The following ARNT2 variants were observed in gnomAD, a reference collection of about 807,000 sequenced individuals.
The protein encoded by ARNT2 is ARNT protein 2.
In ARNT2, 36 loss-of-function variants were observed where a neutral mutation model predicts 91.7. The ratio of observed to expected loss-of-function variants is 0.39; its 90% confidence interval spans 0.30 to 0.52. The LOEUF (loss-of-function observed/expected upper bound fraction) is 0.52. Ranked by LOEUF, ARNT2 falls within the 20% of genes least tolerant of loss-of-function variation. ARNT2 has a pLI of 0.72. For synonymous variants in ARNT2, 365 were observed against 347.1 expected (o/e 1.05, Z -0.57); for missense variants, 775 against 939.3 (o/e 0.83, Z 2.29).
Position 80,500,979 on chromosome 15 carries a change from T to A in ARNT2, c.623-7177T>A, listed in dbSNP as rs189936383. Among the ~76,000 whole-genome samples, 29 of 152,324 alleles carry A rather than the reference T, an allele frequency of 1.9e-4. No individual in the cohort carries two copies. The East Asian group carries it at 4.8e-3, about 25-fold the overall frequency. The stretch of plus-strand genomic sequence containing the variant: ...AAAATTACAGTAAAAAACTTTGAGG[T>A]AAGGTGGTCATAATTCTTATTCTCA... On this transcript the variant is annotated intron_variant, in intron 5 of 18. Transcript: ENST00000303329.
intron 3 of ARNT2, among the ~76,000 whole-genome samples, chr15:80,468,058 G>C (rs898417550): frequency 6.6e-6 from 1 of 151,798 alleles, no homozygotes; most frequent in Non-Finnish European, 1.5e-5. Context: ...ATCTACCCCC[G>C]AGTCAACAAG....
Position 80,576,890 on chromosome 15 carries a change from C to T in ARNT2, c.1538C>T (p.Ala513Val). 6.2e-7 allele frequency: 1 copy of T among 1,614,062 alleles called. No individual in the cohort carries two copies. The highest frequency in any genetic ancestry group is 8.5e-7 in the Non-Finnish European group (1 of 1,180,012). ...SASEKKMMSSASAAGTQQIYS... is the reference protein window; with the variant it reads ...SASEKKMMSSVSAAGTQQIYS... ...GCGGAGAAGAAGATGATGAGCTCAG[C>T]CTCTGCAGCAGGAACCCAGCAGATC... Residue 513 changes from alanine to valine, a missense_variant, in exon 15 of 19, where the codon GCC becomes GTC. Around this residue, in one of 5 missense-constraint regions of ARNT2, gnomAD observed 325 missense variants for 359.9 expected, o/e 0.90. Transcript: ENST00000303329.
chr15:80,593,804 C>G lies in ARNT2; in HGVS notation c.*106C>G. 1 of 1,065,216 alleles carries G rather than the reference C, an allele frequency of 9.4e-7. No individual in the cohort carries two copies. The highest frequency in any genetic ancestry group is 1.5e-5 in the South Asian group (1 of 68,474). 66.0% of individuals were successfully genotyped at this position (1,065,216 alleles called of 1,614,324 possible). A position where few individuals can be genotyped will look rare whatever the true frequency, so the allele number is the denominator to read the frequency against. On this transcript the variant is annotated 3_prime_UTR_variant, in exon 19 of 19. Transcript: ENST00000303329. Reference sequence around the variant, plus strand: ...GCCCTGCTTGCCCTGCCGCAGGCCCCCCACCAGAAGCCATCTCCCCCGCTG... The same window carrying G: ...GCCCTGCTTGCCCTGCCGCAGGCCCGCCACCAGAAGCCATCTCCCCCGCTG...
At chr15:80,539,282 A>T (rs1004243627) in intron 8 of ARNT2, among the ~76,000 whole-genome samples, 87 of 152,322 alleles carry the variant, frequency 5.7e-4, no homozygotes, top group African/African-American at 2.0e-3. Context: ...TCAAATTAAT[A>T]GTTATAGAAA....
At chr15:80,578,476 G>A (rs1489280057) in intron 15 of ARNT2, among the ~76,000 whole-genome samples, 4 of 151,614 alleles carry the variant, frequency 2.6e-5, no homozygotes, top group Admixed American at 2.0e-4. Flanking sequence ...GCCCTGAGCT[G>A]TGTCTGCAGC....
intron 1 of ARNT2, among the ~76,000 whole-genome samples, chr15:80,434,823 A>G (rs1199791491): frequency 2.6e-5 from 4 of 152,062 alleles, no homozygotes; most frequent in African/African-American, 9.7e-5. Context: ...AGATAAAGCC[A>G]GGAGCTCGGG....
At chr15:80,491,375 T>G (rs542105195) in intron 5 of ARNT2, among the ~76,000 whole-genome samples, 1 of 152,228 alleles carries the variant, frequency 6.6e-6, no homozygotes, top group East Asian at 1.9e-4. Context: ...TTTATTACCA[T>G]CAGATCTTGT....
At chr15:80,577,005 T>A in intron 15 of ARNT2, 40 bp downstream of exon 15, 2 of 1,593,238 alleles carry the variant, frequency 1.3e-6, no homozygotes, top group Non-Finnish European at 1.7e-6. Flanking sequence ...GGGAAGATGC[T>A]CCCTCACCAA....
intron 5 of ARNT2, among the ~76,000 whole-genome samples, chr15:80,494,450 T>A (rs1156848669): frequency 6.6e-6 from 1 of 152,182 alleles, no homozygotes; most frequent in East Asian, 1.9e-4. Flanking sequence ...ATTAAACCCC[T>A]CAGGCTTGCA....
intron 1 of ARNT2, among the ~76,000 whole-genome samples, chr15:80,437,915 A>G (rs565916654): frequency 2.2e-5 from 3 of 135,480 alleles, no homozygotes; most frequent in African/African-American, 8.6e-5. Context: ...TTTAAAATGT[A>G]TTTACCTACA....
chr15:80,530,582 G>T (rs759960549), intron 8 of ARNT2, among the ~76,000 whole-genome samples: 6 of 152,060 alleles, frequency 3.9e-5, no homozygotes, highest in Non-Finnish European at 8.8e-5. Context: ...ATCCTTCCCT[G>T]GTTGCCAGGG....
intron 1 of ARNT2, among the ~76,000 whole-genome samples, chr15:80,429,699 G>A (rs1895982646): frequency 6.6e-6 from 1 of 152,148 alleles, no homozygotes; most frequent in South Asian, 2.1e-4. Context: ...CAGTCGTGTG[G>A]GATTGAGCCT....
intron 5 of ARNT2, among the ~76,000 whole-genome samples, chr15:80,490,155 A>T (rs1897034873): frequency 6.6e-6 from 1 of 152,158 alleles, no homozygotes; most frequent in South Asian, 2.1e-4. Flanking sequence ...GTCAGAAGAG[A>T]AGCCAGGCAA....
chr15:80,524,737 T>C (rs1897610474), intron 8 of ARNT2, among the ~76,000 whole-genome samples: 1 of 151,998 alleles, frequency 6.6e-6, no homozygotes, highest in South Asian at 2.1e-4. Context: ...TAGCTGGGCG[T>C]GGTGGCGGGC....
chr15:80,564,088 C>T (rs1021667739), intron 12 of ARNT2, among the ~76,000 whole-genome samples: 5 of 152,176 alleles, frequency 3.3e-5, no homozygotes, highest in African/African-American at 1.2e-4. Context: ...GCCAGTGTGT[C>T]GGGAGGACTG....
At position 80,420,580 on chromosome 15, in the gene ARNT2, T is replaced by G. The variant is rs78968170; in HGVS notation, c.31+16034T>G. ...GAAGTGGAGAGCATCTGTATGAATA[T>G]ATATATTATGAACATATGAATATAT... On this transcript the variant is annotated intron_variant, in intron 1 of 18. Transcript: ENST00000303329. 9.7e-3 allele frequency among the ~76,000 whole-genome samples: 1,476 copies of G among 151,966 alleles called. 17 individuals are homozygous for G. The highest frequency in any genetic ancestry group is 0.034 in the African/African-American group (1,416 of 41,470).
At chr15:80,593,100 A>G (rs1036286807) in intron 18 of ARNT2, among the ~76,000 whole-genome samples, 1 of 152,244 alleles carries the variant, frequency 6.6e-6, no homozygotes, top group African/African-American at 2.4e-5. Context: ...GGGTCATCTG[A>G]GGCCCAGAGG....
At chr15:80,559,597 C>G (rs2141463753) in intron 11 of ARNT2, among the ~76,000 whole-genome samples, 1 of 152,316 alleles carries the variant, frequency 6.6e-6, no homozygotes, top group East Asian at 1.9e-4. Flanking sequence ...GCCCTTAGAA[C>G]TTGTTTGTGA....
chr15:80,581,985 C>T (rs1378805808), intron 17 of ARNT2, among the ~76,000 whole-genome samples: 1 of 152,192 alleles, frequency 6.6e-6, no homozygotes, highest in East Asian at 1.9e-4. Context: ...TCAGGACAAG[C>T]TCATAAGAGA....
Sources: gnomAD v4.1 joint callset for allele counts (sites outside exome capture counted in the v4.1 genomes callset) on GRCh38, gnomAD v4.1.1 for gene constraint, gnomAD v4.1.1 regional missense constraint, MANE v1.5 for transcripts, NCBI Gene and HGNC (gene_info 2026-07-23, HGNC 2026-07-21) for gene names.